The following SUSD4 variants were observed in gnomAD, a reference collection of about 807,000 sequenced individuals.
SUSD4 encodes sushi domain containing 4.
Under a neutral mutation model 50.5 loss-of-function variants are expected in SUSD4, and 41 were observed. That is an observed-to-expected ratio of 0.81 (90% CI 0.63 to 1.05). The LOEUF is 1.05. Ranked by LOEUF, SUSD4 falls within the 50% of genes least tolerant of loss-of-function variation. The pLI is 0.00. For missense variants in SUSD4, 580 were observed against 634.7 expected, an observed-to-expected ratio of 0.91 and a Z score of 0.93; for synonymous variants, 257 against 257.3, an observed-to-expected ratio of 1.00 and a Z score of 0.01.
intron 2 of SUSD4, among the ~76,000 whole-genome samples, chr1:223,329,721 T>C (rs1667071484): frequency 6.6e-6 from 1 of 151,916 alleles, no homozygotes; most frequent in African/African-American, 2.4e-5. Flanking sequence ...GGATGAACGA[T>C]AGCACTGGAG....
chr1:223,222,023 G>T lies in SUSD4; in HGVS notation c.*169C>A. The T allele has an allele frequency of 1.6e-6, 1 of 644,468 alleles. No homozygotes were observed. Among genetic ancestry groups the T allele is most frequent in the Non-Finnish European group, 2.7e-6 (1 of 374,326 alleles). The allele number at this position is 644,468 out of a possible 1,614,324, so 39.9% of individuals were successfully genotyped here. A position where few individuals can be genotyped will look rare whatever the true frequency, so the allele number is the denominator to read the frequency against. On this transcript the variant is annotated 3_prime_UTR_variant, in exon 9 of 9. Transcript: ENST00000366878. ...AATCTCATTTAAAAGCACTGCCATT[G>T]CAGTTTGTCAGCCTCACTGTGGAGC...
chr1:223,260,025 G>T (rs1207346120), intron 5 of SUSD4, among the ~76,000 whole-genome samples: 1 of 152,104 alleles, frequency 6.6e-6, no homozygotes, highest in African/African-American at 2.4e-5. Context: ...GCTACTATTG[G>T]TCTCTGGGGA....
In SUSD4 at chr1:223,221,189, C is replaced by T. The variant is rs1009221114; in HGVS notation, c.*1003G>A. 1.7e-5 allele frequency: 7 copies of T among 400,512 alleles called. No individual in the cohort carries two copies. The highest frequency in any genetic ancestry group is 3.1e-5 in the Non-Finnish European group (7 of 226,206). 24.8% of individuals were successfully genotyped at this position (400,512 alleles called of 1,614,324 possible). On this transcript the variant is annotated 3_prime_UTR_variant, in exon 9 of 9. Coordinates refer to ENST00000366878, the MANE Select transcript of SUSD4 (RefSeq NM_017982.4). ...ACAAATAAAAGGGGGAAAAATCCAA[C>T]CTCACACTTCTTTTGAAGGTCGGAT... is the stretch of plus-strand genomic sequence containing the variant.
At chr1:223,307,796 T>C (rs566940171) in intron 2 of SUSD4, among the ~76,000 whole-genome samples, 31 of 152,322 alleles carry the variant, frequency 2.0e-4, no homozygotes, top group Non-Finnish European at 3.2e-4. Flanking sequence ...GCAACAAGAT[T>C]AGGGCTCTGG....
At chr1:223,296,840 G>A (rs941392138) in intron 2 of SUSD4, among the ~76,000 whole-genome samples, 17 of 152,134 alleles carry the variant, frequency 1.1e-4, no homozygotes, top group South Asian at 6.2e-4. Flanking sequence ...AGAAGGATGC[G>A]TTTGCTTTCC....
chr1:223,351,887 C>T (rs1223336543), intron 2 of SUSD4, among the ~76,000 whole-genome samples: 1 of 151,894 alleles, frequency 6.6e-6, no homozygotes, highest in African/African-American at 2.4e-5. Flanking sequence ...TTTTGCATTT[C>T]CATGGACGTT....
At chr1:223,289,581 A>G (rs1664353849) in intron 3 of SUSD4, among the ~76,000 whole-genome samples, 1 of 152,186 alleles carries the variant, frequency 6.6e-6, no homozygotes, top group African/African-American at 2.4e-5. Flanking sequence ...AAAAATCTGC[A>G]TCTCAGACAG....
At chr1:223,294,899 A>C (rs1364194657) in intron 2 of SUSD4, among the ~76,000 whole-genome samples, 1 of 152,176 alleles carries the variant, frequency 6.6e-6, no homozygotes, top group African/African-American at 2.4e-5. Context: ...TCTAATTATC[A>C]AGTGGTTCCT....
chr1:223,261,757 G>C (rs1331986246), intron 5 of SUSD4, among the ~76,000 whole-genome samples: 1 of 152,168 alleles, frequency 6.6e-6, no homozygotes, highest in Non-Finnish European at 1.5e-5. Flanking sequence ...AGAGAGTCAT[G>C]CTAGGTTCTC....
intron 5 of SUSD4, among the ~76,000 whole-genome samples, chr1:223,262,185 T>C (rs912055905): frequency 6.6e-6 from 1 of 152,052 alleles, no homozygotes; most frequent in Non-Finnish European, 1.5e-5. Context: ...AGCTGATGGA[T>C]TGACAGTGAA....
intron 2 of SUSD4, among the ~76,000 whole-genome samples, chr1:223,293,888 C>G (rs939384731): frequency 1.1e-4 from 16 of 151,960 alleles, no homozygotes; most frequent in African/African-American, 3.9e-4. Context: ...CCCTTTTCAA[C>G]TGACTAGATG....
chr1:223,341,596 G>A (rs1667763709), intron 2 of SUSD4, among the ~76,000 whole-genome samples: 1 of 152,144 alleles, frequency 6.6e-6, no homozygotes, highest in Non-Finnish European at 1.5e-5. Context: ...CACTGACGGG[G>A]CACCCAAGTG....
intron 2 of SUSD4, among the ~76,000 whole-genome samples, chr1:223,352,875 A>G (rs1317113186): frequency 2.0e-5 from 3 of 152,102 alleles, no homozygotes; most frequent in Non-Finnish European, 2.9e-5. Context: ...TCCAGCATCC[A>G]GCAACAGAAA....
intron 5 of SUSD4, chr1:223,234,843 T>G: frequency 7.2e-7 from 1 of 1,390,206 alleles, no homozygotes; most frequent in Non-Finnish European, 9.5e-7. Flanking sequence ...ACAATGCCAG[T>G]TGGTTCTTCC....
At chr1:223,319,678 G>T (rs1666454078) in intron 2 of SUSD4, among the ~76,000 whole-genome samples, 1 of 152,176 alleles carries the variant, frequency 6.6e-6, no homozygotes, top group South Asian at 2.1e-4. Flanking sequence ...GAATACAGCG[G>T]CCCTTTCAAT....
intron 2 of SUSD4, among the ~76,000 whole-genome samples, chr1:223,322,259 A>G (rs1539047): frequency 0.53 from 80,497 of 152,014 alleles, 21,331 homozygotes; most frequent in African/African-American, 0.55. Flanking sequence ...TACCTCCAGA[A>G]GAAAAGGAAA....
At chr1:223,361,293 G>A (rs1342095292) in intron 2 of SUSD4, among the ~76,000 whole-genome samples, 1 of 152,136 alleles carries the variant, frequency 6.6e-6, no homozygotes, top group Non-Finnish European at 1.5e-5. Context: ...TAGAGGAACT[G>A]TGAAGTGATA....
At chr1:223,306,180 A>C (rs182940141) in intron 2 of SUSD4, among the ~76,000 whole-genome samples, 19 of 152,250 alleles carry the variant, frequency 1.2e-4, no homozygotes, top group Non-Finnish European at 2.4e-4. Flanking sequence ...AATTATTCCT[A>C]AATCCTTTCA....
intron 5 of SUSD4, among the ~76,000 whole-genome samples, chr1:223,242,938 G>T (rs1351395553): frequency 6.6e-6 from 1 of 152,204 alleles, no homozygotes; most frequent in African/African-American, 2.4e-5. Flanking sequence ...CCACTTGTAG[G>T]TTAGGCAAAA....
Sources: allele counts gnomAD v4.1 joint callset (sites outside exome capture counted in the v4.1 genomes callset), GRCh38; gene constraint gnomAD v4.1.1; transcripts MANE v1.5; gene names NCBI Gene and HGNC (gene_info 2026-07-23, HGNC 2026-07-21).